The following GSE1 variants were observed in gnomAD, a reference collection of about 807,000 sequenced individuals.
The protein encoded by GSE1 is genetic suppressor element 1.
In GSE1, 32 loss-of-function variants were observed where a neutral mutation model predicts 112.6. The ratio of observed to expected loss-of-function variants is 0.28; its 90% CI spans 0.21 to 0.38. The LOEUF (loss-of-function observed/expected upper bound fraction) is 0.38, where lower values mean the gene tolerates loss of function less well. Ranked by LOEUF, GSE1 falls within the 10% of genes least tolerant of loss-of-function variation. The probability of loss-of-function intolerance (pLI) is 1.00; values close to 1 mark genes in which losing one functional copy is unlikely to be tolerated. For synonymous variants in GSE1, 1,115 were observed against 735.6 expected (o/e 1.52, Z -8.35); for missense variants, 2,348 against 1,699.2 (o/e 1.38, Z -6.71).
intron 1 of GSE1, among the ~76,000 whole-genome samples, chr16:85,615,612 G>T (rs1378586162): frequency 6.6e-6 from 1 of 152,200 alleles, no homozygotes; most frequent in Non-Finnish European, 1.5e-5. Context: ...TGGGAAGGGA[G>T]GTCGGGAAGT....
At chr16:85,337,654 G>A (rs1160884793) in intron 1 of GSE1, among the ~76,000 whole-genome samples, 1 of 151,930 alleles carries the variant, frequency 6.6e-6, no homozygotes, top group Non-Finnish European at 1.5e-5. Flanking sequence ...GCAGGGATGG[G>A]CTGGGGGCCA....
At chr16:85,414,501 C>G (rs975808790) in intron 2 of GSE1, among the ~76,000 whole-genome samples, 1 of 152,222 alleles carries the variant, frequency 6.6e-6, no homozygotes, top group African/African-American at 2.4e-5. Flanking sequence ...CACAGAATGA[C>G]ATCGCCATGC....
chr16:85,335,845 G>GC (rs71151280), intron 1 of GSE1, among the ~76,000 whole-genome samples: 35,563 of 152,128 alleles, frequency 0.23, 4,238 homozygotes, highest in Middle Eastern at 0.39. Context: ...TGGGAGCAGG[G>GC]CGGGACACCC....
chr16:85,487,907 G>T (rs985717516), intron 2 of GSE1, among the ~76,000 whole-genome samples: 3 of 152,220 alleles, frequency 2.0e-5, no homozygotes, highest in Non-Finnish European at 4.4e-5. Context: ...CGGGGCAAGG[G>T]TGACCCACCC....
intron 2 of GSE1, among the ~76,000 whole-genome samples, chr16:85,521,821 G>C (rs923198142): frequency 6.6e-6 from 1 of 152,236 alleles, no homozygotes; most frequent in Non-Finnish European, 1.5e-5. Context: ...AATCCGGAGC[G>C]CGCTGGCGCT....
intron 2 of GSE1, among the ~76,000 whole-genome samples, chr16:85,547,830 G>C (rs141507462): frequency 7.9e-4 from 115 of 144,822 alleles, no homozygotes; most frequent in African/African-American, 2.8e-3. Context: ...AGTGAGCCGA[G>C]ATGACACCAC....
intron 2 of GSE1, among the ~76,000 whole-genome samples, chr16:85,524,229 G>A (rs891959311): frequency 6.6e-6 from 1 of 152,150 alleles, no homozygotes; most frequent in Non-Finnish European, 1.5e-5. Flanking sequence ...CCCTTTGGAT[G>A]TCAGCAGAGG....
chr16:85,505,091 C>G (rs1004559297), intron 2 of GSE1, among the ~76,000 whole-genome samples: 1 of 152,178 alleles, frequency 6.6e-6, no homozygotes. Context: ...TCTCCTTTTC[C>G]GGTTTGGATC....
chr16:85,439,149 G>C (rs1176088188), intron 2 of GSE1, among the ~76,000 whole-genome samples: 1 of 152,240 alleles, frequency 6.6e-6, no homozygotes, highest in African/African-American at 2.4e-5. Context: ...AGACCCGGGG[G>C]ACGTGCCCTG....
chr16:85,658,011 G>C (rs1021189888), intron 8 of GSE1, among the ~76,000 whole-genome samples: 2 of 152,202 alleles, frequency 1.3e-5, no homozygotes, highest in Non-Finnish European at 2.9e-5. Context: ...GAAGGGGACA[G>C]CTTTTGATTT....
At chr16:85,646,750 C>T (rs2050900108) in intron 2 of GSE1, among the ~76,000 whole-genome samples, 2 of 152,124 alleles carry the variant, frequency 1.3e-5, no homozygotes, top group African/African-American at 2.4e-5. Flanking sequence ...AGCCGTGCAC[C>T]CCCTGGGCTT....
At position 85,416,457 on chromosome 16, in the gene GSE1, GTC is replaced by G. The variant is rs570179313; in HGVS notation, c.2464+58815_2464+58816del. On this transcript the variant is annotated intron_variant, in intron 2 of 2. Coordinates refer to the GSE1 transcript ENST00000637419. ...AGCGGCTCCTCCCGAGCAGGTGGGA[GTC>G]CACCGGGCGGTGCTTTCTGCCCAGC... Among the ~76,000 whole-genome samples the G allele has an allele frequency of 4.2e-3, 642 of 152,276 alleles. 1 individual carries two copies. Among genetic ancestry groups the G allele is most frequent in the South Asian group, 0.022 (104 of 4,824 alleles).
intron 2 of GSE1, among the ~76,000 whole-genome samples, chr16:85,377,034 C>T (rs1246911063): frequency 6.6e-6 from 1 of 152,230 alleles, no homozygotes; most frequent in African/African-American, 2.4e-5. Context: ...CTTCACCGAC[C>T]ACGTGTTGAT....
intron 2 of GSE1, among the ~76,000 whole-genome samples, chr16:85,474,109 G>A (rs368643319): frequency 2.0e-5 from 3 of 152,144 alleles, no homozygotes; most frequent in East Asian, 1.9e-4. Context: ...AGGATGAGAC[G>A]TGAGGGTTGA....
At chr16:85,339,773 C>T (rs536280069) in intron 1 of GSE1, among the ~76,000 whole-genome samples, 57 of 152,210 alleles carry the variant, frequency 3.7e-4, no homozygotes, top group African/African-American at 1.3e-3. Context: ...CAGGGGACGG[C>T]GTCTGCATTT....
At chr16:85,181,261 G>A (rs2074577680) in intron 1 of GSE1, among the ~76,000 whole-genome samples, 1 of 152,184 alleles carries the variant, frequency 6.6e-6, no homozygotes, top group Admixed American at 6.5e-5. Flanking sequence ...CCACAGAGGG[G>A]GCGTGAATGG....
At chr16:85,374,070 G>A (rs1280873925) in intron 2 of GSE1, among the ~76,000 whole-genome samples, 1 of 152,170 alleles carries the variant, frequency 6.6e-6, no homozygotes, top group Admixed American at 6.5e-5. Flanking sequence ...CAGTGTGTAT[G>A]TGTGTGGTGC....
intron 2 of GSE1, among the ~76,000 whole-genome samples, chr16:85,482,576 G>A (rs564061973): frequency 6.6e-6 from 1 of 152,356 alleles, no homozygotes; most frequent in African/African-American, 2.4e-5. Context: ...GAGTGACGTG[G>A]ATGGGACATC....
At chr16:85,188,806 TAA>T (rs11334141) in intron 1 of GSE1, among the ~76,000 whole-genome samples, 24 of 138,762 alleles carry the variant, frequency 1.7e-4, no homozygotes, top group Middle Eastern at 3.7e-3. Context: ...ATCTCTATCT[TAA>T]AAAAAAAAAA....
Sources: gnomAD v4.1 joint callset for allele counts (sites outside exome capture counted in the v4.1 genomes callset) on GRCh38, gnomAD v4.1.1 for gene constraint, MANE v1.5 for transcripts, NCBI Gene and HGNC (gene_info 2026-07-23, HGNC 2026-07-21) for gene names.